Variants in CASKIN2 observed in about 807,000 individuals in gnomAD.
The protein encoded by CASKIN2 is CASK interacting protein 2.
A neutral mutation model predicts 107.1 loss-of-function variants in CASKIN2; 41 were observed. The ratio of observed to expected loss-of-function variants is 0.38; its 90% CI spans 0.30 to 0.50. The LOEUF is 0.50. Among genes scored for constraint, CASKIN2 ranks in the 20% least tolerant of loss-of-function variants. The pLI is 0.92. For missense variants in CASKIN2, 1,546 were observed against 1,657.4 expected, an observed-to-expected ratio of 0.93 and a Z score of 1.17; for synonymous variants, 724 against 705.6, an observed-to-expected ratio of 1.03 and a Z score of -0.41.
Position 75,501,814 on chromosome 17 carries a change from G to A in CASKIN2, c.3260C>T (p.Ala1087Val), listed in dbSNP as rs199907273. ...SRWNGETEPP[A>V]APAALLKVPG... ...CACCTTGAGGAGGGCAGCAGGGGCGGCCGGGGGTTCTGTCTCCCCATTCCA... is the reference window on the plus strand; with the variant it reads ...CACCTTGAGGAGGGCAGCAGGGGCGACCGGGGGTTCTGTCTCCCCATTCCA... Residue 1087 changes from alanine (A) to valine (V), a missense_variant, in exon 18 of 20, where the codon GCC (alanine) becomes GTC (valine). By Grantham distance (64) the Ala-to-Val change is moderately conservative. Coordinates refer to ENST00000321617, the MANE Select transcript of CASKIN2 (RefSeq NM_020753.5). The A allele has an allele frequency of 6.4e-5, 99 of 1,547,758 alleles. No homozygotes were observed. Among genetic ancestry groups the A allele is most frequent in the Admixed American group, 9.8e-5 (5 of 50,816 alleles).
At position 75,508,271 on chromosome 17, in the gene CASKIN2, T is replaced by C. The variant is rs1307202553; in HGVS notation, c.109A>G (p.Thr37Ala). 6.2e-7 allele frequency: 1 copy of C among 1,613,748 alleles called. No homozygotes were observed. The highest frequency in any genetic ancestry group is 2.2e-5 in the East Asian group (1 of 44,892). ...KATKTKLLGS[T>A]KRLNVNYQDA... ...TGGTAGTTCACGTTGAGCCTCTTTGTGGAGCCCAGGAGCTCTAGGGGTCAG... is the reference window on the plus strand; with the variant it reads ...TGGTAGTTCACGTTGAGCCTCTTTGCGGAGCCCAGGAGCTCTAGGGGTCAG... Residue 37 changes from threonine (T) to alanine (A), a missense_variant, in exon 3 of 20, where the codon ACA (threonine) becomes GCA (alanine). By Grantham distance (58) the Thr-to-Ala change is moderately conservative. Transcript: ENST00000321617.
chr17:75,507,965 AG>A, intron 3 of CASKIN2: 1 of 577,770 alleles, frequency 1.7e-6, no homozygotes, highest in Non-Finnish European at 3.1e-6. Flanking sequence ...CAGGGAGAAA[AG>A]GGGGCCCCAA....
intron 1 of CASKIN2, among the ~76,000 whole-genome samples, chr17:75,514,819 C>T (rs980855691): frequency 5.9e-5 from 9 of 152,194 alleles, no homozygotes; most frequent in Non-Finnish European, 1.2e-4. Flanking sequence ...CGCCCTCGCC[C>T]CTTGTGTCGG....
chr17:75,501,025 T>C lies in CASKIN2; in HGVS notation c.*55A>G. 1 of 1,512,716 alleles carries C rather than the reference T, an allele frequency of 6.6e-7. No individual in the cohort carries two copies. The highest frequency in any genetic ancestry group is 1.2e-5 in the South Asian group (1 of 83,296). 93.7% of individuals were successfully genotyped at this position (1,512,716 alleles called of 1,614,324 possible). A position where few individuals can be genotyped will look rare whatever the true frequency, so the allele number is the denominator to read the frequency against. ...CCTAGGGTGGCAGGGGCCTCTTCTG[T>C]GCTGGGGCAAAGGCAGTGGACTTCG... is the stretch of plus-strand genomic sequence containing the variant. On this transcript the variant is annotated 3_prime_UTR_variant, in exon 20 of 20. Coordinates refer to ENST00000321617, the MANE Select transcript of CASKIN2 (RefSeq NM_020753.5).
chr17:75,510,022 T>A, intron 2 of CASKIN2: 1 of 621,364 alleles, frequency 1.6e-6, no homozygotes, highest in Non-Finnish European at 2.0e-6. Flanking sequence ...GGGCAGAGGG[T>A]CCAGGTTCCT....
At chr17:75,511,866 C>G (rs2053318748) in intron 2 of CASKIN2, among the ~76,000 whole-genome samples, 2 of 152,272 alleles carry the variant, frequency 1.3e-5, no homozygotes, top group Admixed American at 1.3e-4. Context: ...CTGAGGGCCT[C>G]ACTTTGAGGA....
chr17:75,503,034 C>T lies in CASKIN2; in HGVS notation c.2040G>A (p.Met680Ile). 6.2e-7 allele frequency: 1 copy of T among 1,606,318 alleles called. No homozygotes were observed. The highest frequency in any genetic ancestry group is 8.5e-7 in the Non-Finnish European group (1 of 1,178,690). Residue 680 changes from methionine to isoleucine, a missense_variant, in exon 18 of 20, where the codon ATG (methionine) becomes ATA (isoleucine). Met to Ile is a conservative substitution (Grantham distance 10). Coordinates refer to ENST00000321617, the MANE Select transcript of CASKIN2 (RefSeq NM_020753.5). The part of the protein sequence containing the change: ...SELSPELQAA[M>I]AGGGPEPLPL... Reference sequence around the variant, plus strand: ...GGAGTGGTTCAGGGCCACCCCCTGCCATGGCCGCCTGTAGCTCTGGGCTTA... The same window carrying T: ...GGAGTGGTTCAGGGCCACCCCCTGCTATGGCCGCCTGTAGCTCTGGGCTTA...
At position 75,506,935 on chromosome 17, in the gene CASKIN2, G is replaced by A. The variant is rs2053271895; in HGVS notation, c.391-41C>T. The A allele has an allele frequency of 9.9e-6, 16 of 1,611,752 alleles. No individual in the cohort carries two copies. The highest frequency in any genetic ancestry group is 4.0e-5 in the African/African-American group (3 of 74,876). ...CCGAGTGAGGGGGCCTGGCCTGTCC[G>A]GCACCCCACCCTGCCCTGCGCCACG... On this transcript the variant is annotated intron_variant, in intron 5 of 19. Coordinates refer to ENST00000321617, the MANE Select transcript of CASKIN2 (RefSeq NM_020753.5). This position sits in a 1 kb window ranked among gnomAD's most constrained non-coding sequence, Gnocchi z 4.8.
rs1475195729 is a variant in CASKIN2 at position 75,501,093 on chromosome 17, G to A, written c.3596C>T (p.Ala1199Val). 2 of 1,577,562 alleles carry A rather than the reference G, an allele frequency of 1.3e-6. No individual in the cohort carries two copies. The highest frequency in any genetic ancestry group is 1.7e-6 in the Non-Finnish European group (2 of 1,161,790). The change falls in exon 20 of 20, where the codon GCC becomes GTC. Residue 1199 changes from alanine (A) to valine (V), a missense_variant. Physicochemically the swap from Ala to Val is moderately conservative, Grantham distance 64 (BLOSUM62 0). Transcript: ENST00000321617. ...CTGCTGGAGGGCTCAGTCCAGCATG[G>A]CGTCCAGCTGGTCAGCCAGGGCGTC... ...MFDALADQLDAMLD is the reference protein window; with the variant it reads ...MFDALADQLDVMLD
Position 75,508,222 on chromosome 17 carries a change from G to C in CASKIN2, c.146+12C>G. 6.2e-7 allele frequency: 1 copy of C among 1,613,700 alleles called. No individual in the cohort carries two copies. Among genetic ancestry groups the C allele is most frequent in the Non-Finnish European group, 8.5e-7 (1 of 1,179,826 alleles). Reference sequence around the variant, plus strand: ...CCAGCAGCTCTGCAGAGGGACAGGGGCTCCCACTCACCCATCAGCATCCTG... The same window carrying C: ...CCAGCAGCTCTGCAGAGGGACAGGGCCTCCCACTCACCCATCAGCATCCTG... On this transcript the variant is annotated intron_variant, in intron 3 of 19. Transcript: ENST00000321617.
At chr17:75,511,164 G>GATCCTCCTGCCTC (rs1350128255) in intron 2 of CASKIN2, among the ~76,000 whole-genome samples, 2 of 148,758 alleles carry the variant, frequency 1.3e-5, no homozygotes, top group Admixed American at 6.8e-5. Flanking sequence ...AGGTTCAAGC[G>GATCCTCCTGCCTC]ATCCTCCTGC....
Position 75,513,742 on chromosome 17 carries a change from T to C in CASKIN2, c.63A>G (p.Lys21=), listed in dbSNP as rs76790600. 4.0e-4 allele frequency: 640 copies of C among 1,613,266 alleles called. 3 individuals carry two copies. The East Asian group carries it at 0.012, about 30-fold the overall frequency. ...TTGTGGCCTTGACCTTCGCCACCAG[T>C]TTCTGCACACCGGTCACATCTCCAT... ...VKNGDVTGVQ[K]LVAKVKATKT... is the part of the protein sequence containing the mutation. Residue 21 remains lysine, a synonymous_variant, in exon 2 of 20, where the codon AAA becomes AAG. Transcript: ENST00000321617.
chr17:75,505,155 G>A lies in CASKIN2; in HGVS notation c.931-82C>T, dbSNP rs975853152. The A allele has an allele frequency of 2.7e-5, 40 of 1,461,594 alleles. No homozygotes were observed. Among genetic ancestry groups the A allele is most frequent in the Non-Finnish European group, 1.2e-5 (13 of 1,062,420 alleles). 90.5% of individuals were successfully genotyped at this position (1,461,594 alleles called of 1,614,324 possible). A position where few individuals can be genotyped will look rare whatever the true frequency, so the allele number is the denominator to read the frequency against. ...ACGGTTGTCCCTGCAGCTGCGGTCC[G>A]GCAACCCTGGTCCAGCTCTTTCCCT... On this transcript the variant is annotated intron_variant, in intron 10 of 19. Transcript: ENST00000321617. This position sits in a 1 kb window ranked among gnomAD's most constrained non-coding sequence, Gnocchi z 5.1.
rs1598465542 is a variant in CASKIN2 at position 75,504,831 on chromosome 17, G to T, written c.1173C>A (p.Gly391=). Residue 391 remains glycine, a synonymous_variant, in exon 11 of 20, where the codon GGC becomes GGA. Transcript: ENST00000321617. ...PLTYSQLPRV[G]LSPDSPAGDR... is the part of the protein sequence containing the mutation. ...ATGTACCTGGGCTGTCTGGGCTGAG[G>T]CCCACCCGAGGAAGCTGGCTGTAGG... is the stretch of plus-strand genomic sequence containing the variant. 1 of 1,610,702 alleles carries T rather than the reference G, an allele frequency of 6.2e-7. No homozygotes were observed. Among genetic ancestry groups the T allele is most frequent in the South Asian group, 1.1e-5 (1 of 90,828 alleles).
intron 2 of CASKIN2, among the ~76,000 whole-genome samples, chr17:75,509,228 T>G (rs1342156708): frequency 2.6e-4 from 39 of 152,128 alleles, no homozygotes. Flanking sequence ...GCTCTTGAAG[T>G]GCTGGGGAGG....
chr17:75,505,677 T>G lies in CASKIN2; in HGVS notation c.836-26A>C. The G allele has an allele frequency of 6.2e-7, 1 of 1,604,142 alleles. No homozygotes were observed. The highest frequency in any genetic ancestry group is 1.9e-4 in the Middle Eastern group (1 of 5,386). On this transcript the variant is annotated intron_variant, in intron 9 of 19. Transcript: ENST00000321617. This position sits in a 1 kb window ranked among gnomAD's most constrained non-coding sequence, Gnocchi z 5.1. ...CTAAGAAAACGGGGTGGGGGACAGGTGTCATCTAAGGGTCCTTAGGGCATC... is the reference window on the plus strand; with the variant it reads ...CTAAGAAAACGGGGTGGGGGACAGGGGTCATCTAAGGGTCCTTAGGGCATC...
At chr17:75,504,023 C>G in intron 14 of CASKIN2, 61 bp from the exon 15 acceptor site, 1 of 1,451,994 alleles carries the variant, frequency 6.9e-7, no homozygotes. Context: ...TAGCCCCCAC[C>G]AGGGGCTCAG....
At chr17:75,512,986 G>C (rs1192089490) in intron 2 of CASKIN2, among the ~76,000 whole-genome samples, 1 of 152,064 alleles carries the variant, frequency 6.6e-6, no homozygotes, top group African/African-American at 2.4e-5. Flanking sequence ...TTTGAGGTTG[G>C]GGGTAGGGAT....
chr17:75,514,378 C>G (rs980712530), intron 1 of CASKIN2, among the ~76,000 whole-genome samples, 170 bp from the exon 2 acceptor site: 6 of 151,578 alleles, frequency 4.0e-5, no homozygotes, highest in Non-Finnish European at 8.8e-5. Flanking sequence ...GAGGAAGCTG[C>G]TATGCATGAG....
Sources: allele counts gnomAD v4.1 joint callset (sites outside exome capture counted in the v4.1 genomes callset), GRCh38; gene constraint gnomAD v4.1.1; non-coding constraint Gnocchi (gnomAD v3.1); transcripts MANE v1.5; gene names NCBI Gene and HGNC (gene_info 2026-07-23, HGNC 2026-07-21).